Variants in CNTN1 observed in about 807,000 individuals in gnomAD.
The protein encoded by CNTN1 is contactin 1, also known as contactin-1.
In CNTN1, 38 loss-of-function variants were observed where a neutral mutation model predicts 126.4. The observed-to-expected ratio is 0.30, with a 90% CI of 0.23 to 0.39. CNTN1 has a LOEUF of 0.39. CNTN1 is among the 10% of genes least tolerant of loss of function. The pLI is 1.00. For missense variants in CNTN1, 1,009 were observed against 1,248.4 expected, an observed-to-expected ratio of 0.81 and a Z score of 2.89; for synonymous variants, 413 against 422.6, an observed-to-expected ratio of 0.98 and a Z score of 0.28.
chr12:40,785,813 G>A (rs1005610155), intron 1 of CNTN1, among the ~76,000 whole-genome samples: 4 of 152,120 alleles, frequency 2.6e-5, no homozygotes, highest in Admixed American at 2.6e-4. Flanking sequence ...CTGACAGTAG[G>A]ATACTCTTTT....
chr12:41,028,914 A>G (rs1370721240), intron 22 of CNTN1, 149 bp from the exon 23 acceptor site: 1 of 774,546 alleles, frequency 1.3e-6, no homozygotes, highest in Non-Finnish European at 2.1e-6. Flanking sequence ...GATTTTTTTC[A>G]TCTAGTTTTA....
intron 1 of CNTN1, among the ~76,000 whole-genome samples, chr12:40,907,242 C>G (rs145932210): frequency 4.0e-3 from 602 of 152,190 alleles, no homozygotes; most frequent in African/African-American, 0.014. Context: ...GCAGGAAGGC[C>G]CATTCCCACC....
At chr12:41,031,691 T>C (rs989651127) in intron 23 of CNTN1, among the ~76,000 whole-genome samples, 2 of 152,154 alleles carry the variant, frequency 1.3e-5, no homozygotes, top group Non-Finnish European at 2.9e-5. Context: ...TATTTTTCTC[T>C]TTTTGCCAAC....
chr12:41,068,236 G>C (rs1414168049), intron 23 of CNTN1, among the ~76,000 whole-genome samples: 3 of 152,060 alleles, frequency 2.0e-5, no homozygotes, highest in Non-Finnish European at 4.4e-5. Context: ...TAAAATTAGG[G>C]TAAAAGACCT....
chr12:40,742,571 A>C (rs1937989687), intron 1 of CNTN1: 1 of 150,202 alleles, frequency 6.7e-6, no homozygotes, highest in African/African-American at 2.5e-5. Flanking sequence ...ACAGAGTTTC[A>C]GTCTGTTGCC....
chr12:41,003,374 TG>T (rs1240964237), intron 17 of CNTN1, among the ~76,000 whole-genome samples: 5 of 152,170 alleles, frequency 3.3e-5, no homozygotes, highest in African/African-American at 1.2e-4. Context: ...ATTTTTTCGT[TG>T]ATGTTCATCA....
intron 14 of CNTN1, among the ~76,000 whole-genome samples, chr12:40,944,435 T>A (rs1946368073): frequency 6.6e-6 from 1 of 152,070 alleles, no homozygotes; most frequent in Non-Finnish European, 1.5e-5. Context: ...TTAATTTTAA[T>A]ACAATTGATG....
intron 16 of CNTN1, among the ~76,000 whole-genome samples, chr12:40,981,515 A>G (rs188412931): frequency 1.3e-5 from 2 of 152,276 alleles, no homozygotes; most frequent in African/African-American, 4.8e-5. Flanking sequence ...TCTTACTACT[A>G]TAACCCTTTA....
intron 17 of CNTN1, among the ~76,000 whole-genome samples, chr12:41,003,371 C>T (rs77004737): frequency 0.1 from 15,592 of 151,836 alleles, 912 homozygotes; most frequent in Non-Finnish European, 0.13. Flanking sequence ...AGGATTTTTT[C>T]GTTGATGTTC....
intron 1 of CNTN1, among the ~76,000 whole-genome samples, chr12:40,721,673 G>A (rs1359211779): frequency 7.0e-6 from 1 of 143,304 alleles, no homozygotes; most frequent in Non-Finnish European, 1.5e-5. Flanking sequence ...TTAGCATTAG[G>A]TATATCTCCT....
intron 23 of CNTN1, among the ~76,000 whole-genome samples, chr12:41,055,403 C>A (rs1021339567): frequency 6.6e-6 from 1 of 152,090 alleles, no homozygotes; most frequent in African/African-American, 2.4e-5. Flanking sequence ...ATCTCTTCTT[C>A]CTTAGTGTGT....
chr12:40,807,699 G>A lies in CNTN1; in HGVS notation c.-76-100658G>A, dbSNP rs184225517. On this transcript the variant is annotated intron_variant, in intron 1 of 23. Transcript: ENST00000551295. The stretch of plus-strand genomic sequence containing the variant: ...TTCTGTTCTTATGTTTCTTCAAGTG[G>A]AATCTATAATTCTTATCCTACTTTG... Among the ~76,000 whole-genome samples, 315 of 152,186 alleles carry A rather than the reference G, an allele frequency of 2.1e-3. 1 individual carries two copies. The highest frequency in any genetic ancestry group is 7.3e-3 in the African/African-American group (302 of 41,536).
In CNTN1 at chr12:40,959,305, G is replaced by A; in HGVS notation, c.1804+71G>A. 2.0e-6 allele frequency: 3 copies of A among 1,525,884 alleles called. No homozygotes were observed. The South Asian group carries it at 3.4e-5, about 17-fold the overall frequency. The allele number at this position is 1,525,884 out of a possible 1,614,324, so 94.5% of individuals were successfully genotyped here. A position where few individuals can be genotyped will look rare whatever the true frequency, so the allele number is the denominator to read the frequency against. ...CTTGCATAAACATGTATAATCTTCT[G>A]GTAACTCTGGTGCAAATTCTTACAT... On this transcript the variant is annotated intron_variant, in intron 15 of 23. Coordinates refer to ENST00000551295, the MANE Select transcript of CNTN1 (RefSeq NM_001843.4).
intron 1 of CNTN1, among the ~76,000 whole-genome samples, chr12:40,892,961 G>GGGT (rs1944294316): frequency 6.9e-6 from 1 of 144,182 alleles, no homozygotes; most frequent in African/African-American, 2.7e-5. Flanking sequence ...AAACTGGGGG[G>GGGT]GGTGAATAAA....
At chr12:41,042,040 C>T (rs1286421729) in intron 23 of CNTN1, among the ~76,000 whole-genome samples, 5 of 152,066 alleles carry the variant, frequency 3.3e-5, no homozygotes, top group Admixed American at 6.5e-5. Flanking sequence ...CCTGCTTTCT[C>T]TTATGGGCAT....
chr12:40,900,843 A>T (rs1944576166), intron 1 of CNTN1, among the ~76,000 whole-genome samples: 1 of 152,194 alleles, frequency 6.6e-6, no homozygotes, highest in South Asian at 2.1e-4. Flanking sequence ...TATTAAATGA[A>T]TATTAAAGGA....
rs1333390374 is a variant in CNTN1, at chr12:40,881,565, T to A, written c.-76-26792T>A. 2.0e-5 allele frequency among the ~76,000 whole-genome samples: 3 copies of A among 151,896 alleles called. No homozygotes were observed. The East Asian group carries it at 5.8e-4, about 29-fold the overall frequency. On this transcript the variant is annotated intron_variant, in intron 1 of 23. Transcript: ENST00000551295. ...GATTAAGAAATACATTTAATAAATA[T>A]TGACTACTCCAGTAGGCCCCTATTT...
intron 1 of CNTN1, among the ~76,000 whole-genome samples, chr12:40,897,018 G>T (rs1486925897): frequency 1.3e-5 from 2 of 152,222 alleles, no homozygotes; most frequent in Non-Finnish European, 2.9e-5. Flanking sequence ...TGACTTAGAA[G>T]TTGGAAGATG....
intron 1 of CNTN1, among the ~76,000 whole-genome samples, chr12:40,855,711 C>A (rs2098416387): frequency 6.6e-6 from 1 of 151,998 alleles, no homozygotes; most frequent in Non-Finnish European, 1.5e-5. Context: ...AGAAGTACAA[C>A]TTTATTGGCA....
Sources: allele counts gnomAD v4.1 joint callset (sites outside exome capture counted in the v4.1 genomes callset), GRCh38; gene constraint gnomAD v4.1.1; transcripts MANE v1.5; gene names NCBI Gene and HGNC (gene_info 2026-07-23, HGNC 2026-07-21).